The following LRBA variants were observed in gnomAD, a reference collection of about 807,000 sequenced individuals.
LRBA encodes the protein lipopolysaccharide-responsive and beige-like anchor protein.
In LRBA, 176 loss-of-function variants were observed where a neutral mutation model predicts 330.0. That is an observed-to-expected ratio of 0.53 (90% CI 0.47 to 0.60). The LOEUF (loss-of-function observed/expected upper bound fraction) is 0.60, where lower values mean the gene tolerates loss of function less well. Ranked by LOEUF, LRBA falls within the 20% of genes least tolerant of loss-of-function variation. The pLI is 0.00. For synonymous variants in LRBA, 1,230 were observed against 1,193.0 expected, an observed-to-expected ratio of 1.03 and a Z score of -0.64; for missense variants, 3,259 against 3,444.8, an observed-to-expected ratio of 0.95 and a Z score of 1.35.
At chr4:150,893,533 A>G (rs1729714130) in intron 16 of LRBA, among the ~76,000 whole-genome samples, 1 of 152,000 alleles carries the variant, frequency 6.6e-6, no homozygotes, top group Admixed American at 6.6e-5. Flanking sequence ...TATTTTTGGT[A>G]GAGACAAGGT....
intron 40 of LRBA, among the ~76,000 whole-genome samples, chr4:150,556,951 A>G (rs1767397445): frequency 6.6e-6 from 1 of 152,196 alleles, no homozygotes. Context: ...CACAATTACC[A>G]AAGAAAGATA....
chr4:150,484,064 C>A (rs1757599599), intron 42 of LRBA, among the ~76,000 whole-genome samples: 1 of 151,932 alleles, frequency 6.6e-6, no homozygotes, highest in South Asian at 2.1e-4. Context: ...GGACTTTCCA[C>A]ATAAACATTC....
intron 44 of LRBA, among the ~76,000 whole-genome samples, chr4:150,463,805 A>G (rs1192731280): frequency 1.3e-5 from 2 of 152,006 alleles, no homozygotes; most frequent in Non-Finnish European, 2.9e-5. Context: ...ATGAACATTC[A>G]TAATAAAAAT....
intron 47 of LRBA, among the ~76,000 whole-genome samples, chr4:150,398,786 C>T (rs1354730188): frequency 6.6e-6 from 1 of 152,064 alleles, no homozygotes; most frequent in African/African-American, 2.4e-5. Context: ...GCTACCACAC[C>T]TAGATAAGTT....
rs75222076 is a variant in LRBA, at chr4:150,616,129, T to C, written c.5922-16998A>G. 7.0e-4 allele frequency among the ~76,000 whole-genome samples: 106 copies of C among 152,314 alleles called. 2 individuals are homozygous for C. In the East Asian group the frequency reaches 0.018, roughly 26 times the overall value. ...TAACACAGATATCCAAGCTGAGATA[T>C]TCAGTAAACAACTGAATATAAGAGT... On this transcript the variant is annotated intron_variant, in intron 37 of 56. Transcript: ENST00000651943.
At chr4:150,731,997 C>T (rs376818599) in intron 36 of LRBA, among the ~76,000 whole-genome samples, 73 of 151,790 alleles carry the variant, frequency 4.8e-4, no homozygotes, top group African/African-American at 1.2e-3. Context: ...AATATTACAA[C>T]GAAAAGAAAT....
intron 35 of LRBA, 36 bp downstream of exon 35, chr4:150,761,747 G>T (rs773485320): frequency 7.3e-7 from 1 of 1,378,290 alleles, no homozygotes; most frequent in South Asian, 1.4e-5. Flanking sequence ...AGATTTTAAA[G>T]AAAAATACAA....
intron 31 of LRBA, among the ~76,000 whole-genome samples, chr4:150,809,872 TAC>T (rs1743392231): frequency 8.1e-6 from 1 of 123,938 alleles, no homozygotes; most frequent in African/African-American, 3.1e-5. Flanking sequence ...TACGATACGA[TAC>T]GATACGATAC....
At position 150,265,502 on chromosome 4, in the gene LRBA, G is replaced by A; in HGVS notation, c.*220C>T. 2.4e-6 allele frequency: 1 copy of A among 414,360 alleles called. No homozygotes were observed. Among genetic ancestry groups the A allele is most frequent in the East Asian group, 4.1e-5 (1 of 24,312 alleles). 25.7% of individuals were successfully genotyped at this position (414,360 alleles called of 1,614,324 possible). On this transcript the variant is annotated 3_prime_UTR_variant, in exon 57 of 57. Transcript: ENST00000651943. ...ACTTCTCATTATGACTAAAAATATA[G>A]ATTTTTTAAAACTACAGAACCCAGC...
chr4:150,559,140 T>TA (rs561666718), intron 40 of LRBA, among the ~76,000 whole-genome samples: 16 of 151,960 alleles, frequency 1.1e-4, no homozygotes, highest in African/African-American at 3.4e-4. Flanking sequence ...ACTATTCTGT[T>TA]AAAAAAAGGA....
chr4:150,900,891 T>TA (rs1488818992), intron 13 of LRBA, among the ~76,000 whole-genome samples: 1 of 152,080 alleles, frequency 6.6e-6, no homozygotes, highest in Non-Finnish European at 1.5e-5. Context: ...GTAAATAGTC[T>TA]AAAAAAATAC....
intron 2 of LRBA, among the ~76,000 whole-genome samples, chr4:150,963,660 G>A (rs925044257): frequency 6.8e-5 from 10 of 148,134 alleles, no homozygotes; most frequent in Non-Finnish European, 1.0e-4. Flanking sequence ...TCTGGGATGC[G>A]AGGAGCCCCT....
intron 47 of LRBA, among the ~76,000 whole-genome samples, chr4:150,386,546 C>T (rs1743091122): frequency 6.6e-6 from 1 of 151,674 alleles, no homozygotes; most frequent in African/African-American, 2.4e-5. Flanking sequence ...CATTAGTTTG[C>T]TGAGGATAAT....
intron 2 of LRBA, among the ~76,000 whole-genome samples, chr4:150,956,399 A>C (rs906688780): frequency 6.9e-6 from 1 of 145,688 alleles, no homozygotes; most frequent in Non-Finnish European, 1.5e-5. Context: ...AAAACAAAAC[A>C]AAAAAAAAAC....
chr4:150,717,768 G>T (rs539275920), intron 36 of LRBA, among the ~76,000 whole-genome samples: 1 of 149,476 alleles, frequency 6.7e-6, no homozygotes, highest in East Asian at 1.9e-4. Context: ...CAAAAAAACC[G>T]AGAGACCACC....
intron 22 of LRBA, among the ~76,000 whole-genome samples, chr4:150,858,210 A>G (rs538862068): frequency 1.3e-5 from 2 of 152,300 alleles, no homozygotes; most frequent in Non-Finnish European, 2.9e-5. Flanking sequence ...GAATACTTTT[A>G]GCCAGGAACA....
In LRBA at chr4:150,516,215, C is replaced by CTTTT. The variant is rs1384014823; in HGVS notation, c.6331-25181_6331-25180insAAAA. Among the ~76,000 whole-genome samples the CTTTT allele has an allele frequency of 2.7e-4, 23 of 86,710 alleles. 1 individual carries two copies. The highest frequency in any genetic ancestry group is 3.7e-4 in the African/African-American group (8 of 21,806). 56.9% of individuals were successfully genotyped at this position (86,710 alleles called of 152,430 possible). ...GTAATTCAGTCTGACATTTTCTATTCTCTTTTTTTTTTTTTTTTTTTTTTT... is the reference window on the plus strand; with the variant it reads ...GTAATTCAGTCTGACATTTTCTATTCTTTTTCTTTTTTTTTTTTTTTTTTTTTTT... On this transcript the variant is annotated intron_variant, in intron 40 of 56. Transcript: ENST00000651943.
chr4:150,893,130 A>G lies in LRBA; in HGVS notation c.2087T>C (p.Val696Ala), dbSNP rs1182654336. The change falls in exon 17 of 57, where the codon GTC becomes GCC. Residue 696 changes from valine (V) to alanine (A), a missense_variant. Physicochemically the swap from Val to Ala is moderately conservative, Grantham distance 64 (BLOSUM62 0). Transcript: ENST00000651943. Reference sequence around the variant, plus strand: ...CATTAATGCAACAAGCAGCTGTAGGACATCCATTAGATTGTCATCCTATAA... The same window carrying G: ...CATTAATGCAACAAGCAGCTGTAGGGCATCCATTAGATTGTCATCCTATAA... ...TMHEDDNLMD[V>A]LQLLVALMSE... 2 of 1,608,662 alleles carry G rather than the reference A, an allele frequency of 1.2e-6. No homozygotes were observed. The highest frequency in any genetic ancestry group is 1.7e-5 in the Admixed American group (1 of 59,712).
chr4:150,916,279 T>A, intron 7 of LRBA, 122 bp downstream of exon 7: 1 of 955,796 alleles, frequency 1.0e-6, no homozygotes, highest in Non-Finnish European at 1.5e-6. Context: ...ACGCTTCATC[T>A]TTTTAAACAG....
Sources: allele counts gnomAD v4.1 joint callset (sites outside exome capture counted in the v4.1 genomes callset), GRCh38; gene constraint gnomAD v4.1.1; transcripts MANE v1.5; gene names NCBI Gene and HGNC (gene_info 2026-07-23, HGNC 2026-07-21).